RNPEP: variants seen among roughly 807,000 people sequenced by gnomAD.
RNPEP encodes aminopeptidase B.
RNPEP carries 57 observed loss-of-function variants against 70.1 expected under a neutral mutation model. The observed-to-expected ratio is 0.81, with a 90% CI of 0.66 to 1.01. RNPEP has a LOEUF of 1.01. RNPEP is among the 50% of genes least tolerant of loss of function. RNPEP has a pLI of 0.00. For missense variants in RNPEP, 787 were observed against 852.4 expected (o/e 0.92, Z 0.96); for synonymous variants, 335 against 357.4 (o/e 0.94, Z 0.71).
intron 3 of RNPEP, among the ~76,000 whole-genome samples, chr1:201,995,451 G>A (rs1683510969): frequency 6.6e-6 from 1 of 152,088 alleles, no homozygotes; most frequent in Non-Finnish European, 1.5e-5. Flanking sequence ...GAGAGGCTGA[G>A]GCAGGTGAAT....
intron 1 of RNPEP, among the ~76,000 whole-genome samples, chr1:201,986,863 T>C (rs1683148953): frequency 6.6e-6 from 1 of 152,076 alleles, no homozygotes; most frequent in African/African-American, 2.4e-5. Flanking sequence ...CATCAGGTAT[T>C]GAGGGCGCAT....
intron 3 of RNPEP, among the ~76,000 whole-genome samples, chr1:201,991,107 T>G (rs1039092381): frequency 2.6e-5 from 4 of 151,962 alleles, no homozygotes; most frequent in Non-Finnish European, 4.4e-5. Context: ...TAGGGTCTTG[T>G]GGGGGGTTAT....
intron 1 of RNPEP, chr1:201,983,673 C>G (rs1683023535): frequency 1.7e-6 from 2 of 1,162,598 alleles, no homozygotes; most frequent in African/African-American, 3.3e-5. Context: ...ATTTGATTAA[C>G]GAAAGAATTT....
At position 201,987,581 on chromosome 1, in the gene RNPEP, G is replaced by A. The variant is rs1368577649; in HGVS notation, c.448-1323G>A. Among the ~76,000 whole-genome samples the A allele has an allele frequency of 2.0e-5, 3 of 151,636 alleles. No homozygotes were observed. The East Asian group carries it at 5.9e-4, about 30-fold the overall frequency. On this transcript the variant is annotated intron_variant, in intron 1 of 10. Coordinates refer to ENST00000295640, the MANE Select transcript of RNPEP (RefSeq NM_020216.4). Reference sequence around the variant, plus strand: ...GCCTCCTGAGTAGCTAGAATTACAGGTGCATGCCATCACACCCGGCTAATT... The same window carrying A: ...GCCTCCTGAGTAGCTAGAATTACAGATGCATGCCATCACACCCGGCTAATT...
At chr1:201,998,695 A>G (rs1328259590) in intron 5 of RNPEP, among the ~76,000 whole-genome samples, 2 of 152,206 alleles carry the variant, frequency 1.3e-5, no homozygotes, top group Non-Finnish European at 2.9e-5. Context: ...CCTGCAAGCA[A>G]ATATTTTTAT....
chr1:201,997,101 A>G (rs892054359), intron 4 of RNPEP, among the ~76,000 whole-genome samples: 2 of 152,120 alleles, frequency 1.3e-5, no homozygotes, highest in African/African-American at 4.8e-5. Context: ...AGGAGAGCAG[A>G]CACCACCTCG....
At chr1:201,998,143 G>A (rs1320787182) in intron 5 of RNPEP, among the ~76,000 whole-genome samples, 1 of 151,112 alleles carries the variant, frequency 6.6e-6, no homozygotes, top group Non-Finnish European at 1.5e-5. Context: ...GAAATATGTT[G>A]ACAAATTTCC....
chr1:201,987,558 C>T (rs907344566), intron 1 of RNPEP, among the ~76,000 whole-genome samples: 3 of 151,668 alleles, frequency 2.0e-5, no homozygotes, highest in African/African-American at 7.3e-5. Flanking sequence ...CTGCCTCAGC[C>T]TCCTGAGTAG....
At chr1:202,000,720 C>G (rs891979912) in intron 6 of RNPEP, among the ~76,000 whole-genome samples, 4 of 151,976 alleles carry the variant, frequency 2.6e-5, no homozygotes, top group African/African-American at 9.7e-5. Context: ...TATGGAGAAC[C>G]CTGTCTCTAC....
rs769114652 is a variant in RNPEP at position 201,999,956 on chromosome 1, A to C, written c.1145A>C (p.His382Pro). 8.1e-6 allele frequency: 13 copies of C among 1,614,022 alleles called. No individual in the cohort carries two copies. In the South Asian group the frequency reaches 1.4e-4, roughly 18 times the overall value. Residue 382 changes from histidine (H) to proline (P), a missense_variant, in exon 6 of 11, where the codon CAC becomes CCC. Coordinates refer to ENST00000295640, the MANE Select transcript of RNPEP (RefSeq NM_020216.4). ...AATGRALLRQ[H>P]MDITGEENPL... ...ACGGGGCGGGCTCTGCTGCGTCAGC[A>C]CATGGACATCACTGGAGAGGAAAAC... is the stretch of plus-strand genomic sequence containing the variant.
In RNPEP at chr1:201,982,679, G is replaced by T. The variant is rs1187773343; in HGVS notation, c.13G>T (p.Glu5Ter). The T allele has an allele frequency of 2.2e-6, 3 of 1,381,790 alleles. No individual in the cohort carries two copies. The highest frequency in any genetic ancestry group is 3.2e-5 in the Admixed American group (1 of 31,674). 85.6% of individuals were successfully genotyped at this position (1,381,790 alleles called of 1,614,324 possible). The change falls in exon 1 of 11, where the codon GAG (glutamate) becomes TAG (stop). Residue 5 changes from glutamate to a stop codon, truncating the protein, a stop_gained. Transcript: ENST00000295640. LOFTEE classifies it high-confidence loss of function. MASG[E>*]HSPGSGAARR... ...CGGCTCTGCGGCCATGGCGAGCGGC[G>T]AGCATTCCCCCGGCAGCGGCGCGGC...
At chr1:201,997,589 T>C (rs1683608377) in intron 5 of RNPEP, 35 bp downstream of exon 5, 2 of 1,538,888 alleles carry the variant, frequency 1.3e-6, no homozygotes, top group Non-Finnish European at 1.8e-6. Flanking sequence ...GGAGTCTGCC[T>C]CCCATTCTTA....
intron 5 of RNPEP, among the ~76,000 whole-genome samples, chr1:201,998,403 G>C (rs910108971): frequency 2.0e-5 from 3 of 151,970 alleles, no homozygotes; most frequent in Admixed American, 6.6e-5. Flanking sequence ...GCACCACCAT[G>C]CCCAGCTAGT....
chr1:201,997,631 G>A (rs1683610136), intron 5 of RNPEP, 77 bp downstream of exon 5: 1 of 1,134,310 alleles, frequency 8.8e-7, no homozygotes, highest in African/African-American at 1.5e-5. Context: ...TCCTTATGGG[G>A]TTTCAGAATA....
chr1:202,003,157 A>C (rs778070696), intron 8 of RNPEP, 80 bp from the exon 9 acceptor site: 35 of 941,960 alleles, frequency 3.7e-5, no homozygotes, highest in Non-Finnish European at 5.5e-5. Flanking sequence ...GAGAAACTTG[A>C]GGTCTCTGGG....
intron 1 of RNPEP, among the ~76,000 whole-genome samples, chr1:201,984,172 C>T (rs1035283618): frequency 6.6e-6 from 1 of 152,284 alleles, no homozygotes; most frequent in East Asian, 1.9e-4. Context: ...CCTCGTGATC[C>T]GCCTGCCTCG....
At chr1:201,996,931 C>A (rs1332593450) in intron 4 of RNPEP, among the ~76,000 whole-genome samples, 2 of 152,166 alleles carry the variant, frequency 1.3e-5, no homozygotes, top group African/African-American at 4.8e-5. Context: ...ACTTTGACAT[C>A]TTCAGACTTT....
In RNPEP at chr1:202,004,214, G is replaced by T. The variant is rs188809253; in HGVS notation, c.1652-140G>T. On this transcript the variant is annotated intron_variant, in intron 9 of 10. Transcript: ENST00000295640. ...AGTTTTGTTTGGTATTTTTAGTAGA[G>T]ATGGGGTTTCGCCATATTGGCCAGG... 2.8e-5 allele frequency: 24 copies of T among 859,682 alleles called. No homozygotes were observed. The East Asian group carries it at 6.1e-4, about 22-fold the overall frequency. The allele number at this position is 859,682 out of a possible 1,614,324, so 53.3% of individuals were successfully genotyped here.
chr1:201,996,986 A>G (rs1321086093), intron 4 of RNPEP, among the ~76,000 whole-genome samples: 1 of 152,148 alleles, frequency 6.6e-6, no homozygotes, highest in Non-Finnish European at 1.5e-5. Context: ...TATGACCCCA[A>G]GTTGGCCTCC....
Sources: allele counts gnomAD v4.1 joint callset (sites outside exome capture counted in the v4.1 genomes callset), GRCh38; gene constraint gnomAD v4.1.1; transcripts MANE v1.5; gene names NCBI Gene and HGNC (gene_info 2026-07-23, HGNC 2026-07-21).